Variants in IL1RAPL2 observed in about 807,000 individuals in gnomAD.
The protein encoded by IL1RAPL2 is interleukin 1 receptor accessory protein like 2.
A neutral mutation model predicts 44.1 loss-of-function variants in IL1RAPL2; 3 were observed. The ratio of observed to expected loss-of-function variants is 0.07; its 90% CI spans 0.03 to 0.18. The LOEUF is 0.18. Ranked by LOEUF, IL1RAPL2 falls within the 10% of genes least tolerant of loss-of-function variation. IL1RAPL2 has a pLI of 1.00. For synonymous variants in IL1RAPL2, 181 were observed against 178.8 expected (o/e 1.01, Z -0.10); for missense variants, 391 against 496.4 (o/e 0.79, Z 2.02).
chrX:105,363,291 T>TATATATATATATATATATA (rs2035263654), intron 5 of IL1RAPL2, among the ~76,000 whole-genome samples: 2 of 70,290 alleles, frequency 2.8e-5, no homozygotes, highest in Non-Finnish European at 4.6e-5. Context: ...ATATATATAA[T>TATATATATATATATATATA]ATATATATAT....
chrX:105,334,735 T>C (rs770197538), intron 5 of IL1RAPL2, among the ~76,000 whole-genome samples: 1 of 110,926 alleles, frequency 9.0e-6, no homozygotes, highest in South Asian at 3.9e-4. Context: ...AACTGTGTTT[T>C]CACACATATT....
intron 2 of IL1RAPL2, among the ~76,000 whole-genome samples, chrX:105,194,223 G>A (rs1427912834): frequency 2.7e-5 from 3 of 111,712 alleles, no homozygotes; most frequent in African/African-American, 9.8e-5. Context: ...ATTTAGCTCT[G>A]AGCTTCCTGT....
chrX:105,406,557 G>A (rs2035646575), intron 5 of IL1RAPL2: 7 of 1,195,552 alleles, frequency 5.9e-6, no homozygotes, highest in African/African-American at 1.8e-5. Flanking sequence ...GAACTTCAGT[G>A]GTGCTGATCT....
intron 10 of IL1RAPL2, among the ~76,000 whole-genome samples, chrX:105,763,602 G>C (rs188811264): frequency 9.1e-6 from 1 of 110,309 alleles, no homozygotes; most frequent in African/African-American, 3.3e-5. Flanking sequence ...AAAAAGAAAA[G>C]AGAATAAAAG....
chrX:104,572,029 A>T (rs1287903346), intron 1 of IL1RAPL2, among the ~76,000 whole-genome samples: 1 of 112,161 alleles, frequency 8.9e-6, no homozygotes, highest in Non-Finnish European at 1.9e-5. Flanking sequence ...CACTCTAGGA[A>T]TCATCTAGAT....
chrX:105,761,220 T>TACAC (rs113089380), intron 10 of IL1RAPL2, among the ~76,000 whole-genome samples: 1,972 of 84,079 alleles, frequency 0.023, 25 homozygotes, highest in Middle Eastern at 0.032. Flanking sequence ...ACTCTTCCTA[T>TACAC]ACACACACAC....
intron 2 of IL1RAPL2, among the ~76,000 whole-genome samples, chrX:105,042,707 A>G (rs1294414236): frequency 9.6e-6 from 1 of 104,534 alleles, no homozygotes; most frequent in Non-Finnish European, 2.0e-5. Context: ...ATACCATTTG[A>G]CCCAGCCATC....
chrX:105,363,291 TATATATATATATATATA>T lies in IL1RAPL2; in HGVS notation c.697+95768_697+95784del, dbSNP rs1405024992. 8.6e-3 allele frequency among the ~76,000 whole-genome samples: 602 copies of T among 70,259 alleles called. 5 individuals carry two copies. The highest frequency in any genetic ancestry group is 0.058 in the African/African-American group (578 of 9,949). 61.0% of individuals were successfully genotyped at this position (70,259 alleles called of 115,157 possible). A position where few individuals can be genotyped will look rare whatever the true frequency, so the allele number is the denominator to read the frequency against. ...TATATATGTGTGTATATATATATAA[TATATATATATATATATA>T]ATATATATATATATATATATATTCT... On this transcript the variant is annotated intron_variant, in intron 5 of 10. Transcript: ENST00000372582.
intron 5 of IL1RAPL2, among the ~76,000 whole-genome samples, chrX:105,386,654 C>T (rs1443101075): frequency 9.0e-6 from 1 of 111,568 alleles, no homozygotes; most frequent in African/African-American, 3.2e-5. Context: ...AACATATACA[C>T]ACAAAAATAT....
chrX:105,100,377 A>G (rs780062882), intron 2 of IL1RAPL2, among the ~76,000 whole-genome samples: 1 of 111,769 alleles, frequency 8.9e-6, no homozygotes, highest in Non-Finnish European at 1.9e-5. Context: ...CCTTCTGTAC[A>G]TGAAGGCTAA....
intron 2 of IL1RAPL2, among the ~76,000 whole-genome samples, chrX:104,894,250 C>A (rs976910084): frequency 1.8e-5 from 2 of 111,475 alleles, no homozygotes; most frequent in Non-Finnish European, 3.8e-5. Flanking sequence ...GTGAATCTGA[C>A]AATTTTGTGT....
intron 2 of IL1RAPL2, among the ~76,000 whole-genome samples, chrX:105,129,719 T>A (rs2033009103): frequency 9.0e-6 from 1 of 110,632 alleles, no homozygotes; most frequent in African/African-American, 3.3e-5. Context: ...TGCAGCCCAA[T>A]ACCACAAGCC....
At position 105,348,045 on chromosome X, in the gene IL1RAPL2, C is replaced by A. The variant is rs183478870; in HGVS notation, c.697+80504C>A. On this transcript the variant is annotated intron_variant, in intron 5 of 10. Transcript: ENST00000372582. ...GTAATCTTGGTCTTTATCTTAAATT[C>A]TCCTTTAGATTTTCAGAGTTCTCTG... Among the ~76,000 whole-genome samples the A allele has an allele frequency of 1.2e-4, 13 of 112,006 alleles. No individual in the cohort carries two copies. The East Asian group carries it at 3.7e-3, about 32-fold the overall frequency.
chrX:105,535,942 T>TA (rs2036673645), intron 6 of IL1RAPL2, among the ~76,000 whole-genome samples: 1 of 111,418 alleles, frequency 9.0e-6, no homozygotes, highest in Non-Finnish European at 1.9e-5. Context: ...TTCAGTAAAT[T>TA]AAAAAATTTA....
intron 6 of IL1RAPL2, among the ~76,000 whole-genome samples, chrX:105,587,059 C>G (rs922424386): frequency 1.8e-5 from 2 of 111,493 alleles, no homozygotes; most frequent in African/African-American, 6.5e-5. Context: ...TGTTCTGTCT[C>G]TTGTAAAATA....
chrX:105,349,514 A>G (rs2035136654), intron 5 of IL1RAPL2, among the ~76,000 whole-genome samples: 2 of 112,037 alleles, frequency 1.8e-5, no homozygotes, highest in Admixed American at 1.9e-4. Flanking sequence ...TAACCCAACA[A>G]TGTTAGAGAA....
intron 2 of IL1RAPL2, among the ~76,000 whole-genome samples, chrX:104,980,251 C>G (rs1394783080): frequency 9.0e-6 from 1 of 111,256 alleles, no homozygotes; most frequent in Non-Finnish European, 1.9e-5. Flanking sequence ...TTATGAAATA[C>G]AAAGAAAAAC....
At chrX:104,578,200 G>A (rs2147990931) in intron 1 of IL1RAPL2, among the ~76,000 whole-genome samples, 1 of 111,805 alleles carries the variant, frequency 8.9e-6, no homozygotes, top group Admixed American at 9.5e-5. Flanking sequence ...GCTTATCTCA[G>A]GCCTGGGGCA....
chrX:105,529,429 C>G lies in IL1RAPL2; in HGVS notation c.772+45042C>G, dbSNP rs541129878. On this transcript the variant is annotated intron_variant, in intron 6 of 10. Coordinates refer to ENST00000372582, the MANE Select transcript of IL1RAPL2 (RefSeq NM_017416.2). ...CAGTGATTATGATGATGGTTGCAAC[C>G]TGGTCATTTTAAACTCATTCCACAC... Among the ~76,000 whole-genome samples, 6 of 110,858 alleles carry G rather than the reference C, an allele frequency of 5.4e-5. No individual in the cohort carries two copies. In the South Asian group the frequency reaches 1.9e-3, roughly 35 times the overall value.
Sources: gnomAD v4.1 joint callset for allele counts (sites outside exome capture counted in the v4.1 genomes callset) on GRCh38, gnomAD v4.1.1 for gene constraint, MANE v1.5 for transcripts, NCBI Gene and HGNC (gene_info 2026-07-23, HGNC 2026-07-21) for gene names.